Variants in UBE2E2 observed in about 807,000 individuals in gnomAD.
The protein encoded by UBE2E2 is ubiquitin conjugating enzyme E2 E2, also known as ubiquitin-conjugating enzyme E2 E2.
UBE2E2 carries 6 observed loss-of-function variants against 24.7 expected under a neutral mutation model. The ratio of observed to expected loss-of-function variants is 0.24; its 90% confidence interval spans 0.13 to 0.48. The LOEUF (loss-of-function observed/expected upper bound fraction) is 0.48. UBE2E2 is among the 20% of genes least tolerant of loss of function. UBE2E2 has a pLI of 0.99. For synonymous variants in UBE2E2, 104 were observed against 83.6 expected, an observed-to-expected ratio of 1.24 and a Z score of -1.33; for missense variants, 169 against 245.0, an observed-to-expected ratio of 0.69 and a Z score of 2.07.
intron 3 of UBE2E2, among the ~76,000 whole-genome samples, chr3:23,302,073 T>G (rs1699111943): frequency 6.6e-6 from 1 of 152,196 alleles, no homozygotes; most frequent in Admixed American, 6.5e-5. Flanking sequence ...ATAGCTCGTA[T>G]CTTTGTAATT....
intron 3 of UBE2E2, among the ~76,000 whole-genome samples, chr3:23,343,246 G>A (rs1194393535): frequency 6.6e-6 from 1 of 151,768 alleles, no homozygotes; most frequent in Admixed American, 6.6e-5. Context: ...AAAAAAAAAA[G>A]CAAGACGCAA....
chr3:23,205,037 A>G (rs1696110186), intron 1 of UBE2E2, among the ~76,000 whole-genome samples: 1 of 152,176 alleles, frequency 6.6e-6, no homozygotes, highest in Non-Finnish European at 1.5e-5. Context: ...TGTGAGTTTC[A>G]TTCACTGTAT....
intron 4 of UBE2E2, among the ~76,000 whole-genome samples, chr3:23,512,805 C>T (rs908728635): frequency 1.3e-4 from 20 of 152,126 alleles, no homozygotes; most frequent in African/African-American, 4.6e-4. Context: ...ATTAGCCAGG[C>T]GTGGTGGCGC....
At chr3:23,357,467 T>A (rs979978677) in intron 3 of UBE2E2, among the ~76,000 whole-genome samples, 2 of 152,138 alleles carry the variant, frequency 1.3e-5, no homozygotes, top group African/African-American at 2.4e-5. Context: ...ATAGAAAATA[T>A]TTGATTCTTT....
intron 3 of UBE2E2, among the ~76,000 whole-genome samples, chr3:23,384,606 G>A (rs1480768804): frequency 1.4e-4 from 22 of 152,130 alleles, no homozygotes; most frequent in Admixed American, 6.5e-4. Context: ...GCAGTGGTGC[G>A]ATCTTGGCTC....
chr3:23,457,465 G>A (rs1033018931), intron 3 of UBE2E2, among the ~76,000 whole-genome samples: 1 of 152,174 alleles, frequency 6.6e-6, no homozygotes, highest in African/African-American at 2.4e-5. Flanking sequence ...AGTGATCTTA[G>A]CTAGATATTC....
In UBE2E2 at chr3:23,538,639, CATA is replaced by C. The variant is rs1695319759; in HGVS notation, c.508+5941_508+5943del. On this transcript the variant is annotated intron_variant, in intron 5 of 5. Coordinates refer to ENST00000396703, the MANE Select transcript of UBE2E2 (RefSeq NM_152653.4). ...AGATGCATTTGAAAATAATGCTATT[CATA>C]ATGTTGAGGTTCTAGAAAAATTGAA... is the stretch of plus-strand genomic sequence containing the variant. Among the ~76,000 whole-genome samples, 6 of 152,014 alleles carry C rather than the reference CATA, an allele frequency of 3.9e-5. 1 individual carries two copies. In the South Asian group the frequency reaches 1.3e-3, roughly 32 times the overall value.
chr3:23,281,233 T>C (rs1698484951), intron 3 of UBE2E2, among the ~76,000 whole-genome samples: 1 of 152,198 alleles, frequency 6.6e-6, no homozygotes, highest in Admixed American at 6.6e-5. Flanking sequence ...TTTTTAAAGA[T>C]TTCATGTTTG....
chr3:23,241,178 A>G (rs1366051473), intron 3 of UBE2E2, among the ~76,000 whole-genome samples: 1 of 152,002 alleles, frequency 6.6e-6, no homozygotes, highest in Admixed American at 6.6e-5. Flanking sequence ...CTCTCACTCT[A>G]CGTTCATTCT....
chr3:23,473,854 G>C (rs1251603243), intron 3 of UBE2E2, among the ~76,000 whole-genome samples: 1 of 152,078 alleles, frequency 6.6e-6, no homozygotes, highest in East Asian at 1.9e-4. Context: ...AAATTGTGCA[G>C]CTATAAACAT....
intron 3 of UBE2E2, among the ~76,000 whole-genome samples, chr3:23,393,255 T>C (rs1301881514): frequency 6.6e-6 from 1 of 152,000 alleles, no homozygotes; most frequent in Non-Finnish European, 1.5e-5. Context: ...GGATAAGAAG[T>C]ATGAGGGAGA....
intron 3 of UBE2E2, among the ~76,000 whole-genome samples, chr3:23,359,661 AATG>A (rs1261271967): frequency 1.3e-5 from 2 of 152,078 alleles, no homozygotes; most frequent in African/African-American, 2.4e-5. Flanking sequence ...GGAAATTTCT[AATG>A]ATATGTCCTT....
At chr3:23,446,395 C>G (rs1053850421) in intron 3 of UBE2E2, among the ~76,000 whole-genome samples, 1 of 152,120 alleles carries the variant, frequency 6.6e-6, no homozygotes, top group African/African-American at 2.4e-5. Flanking sequence ...AGGGTACTTT[C>G]CATTTTGTGC....
intron 5 of UBE2E2, among the ~76,000 whole-genome samples, chr3:23,582,190 T>C (rs1359832927): frequency 6.6e-6 from 1 of 152,220 alleles, no homozygotes; most frequent in Admixed American, 6.5e-5. Flanking sequence ...CTTAAGATGA[T>C]GGCCTCCAGC....
At chr3:23,325,933 A>G (rs529884728) in intron 3 of UBE2E2, among the ~76,000 whole-genome samples, 2 of 152,324 alleles carry the variant, frequency 1.3e-5, no homozygotes, top group Middle Eastern at 3.4e-3. Flanking sequence ...GAGGGGAAAG[A>G]ACAAATATTT....
intron 3 of UBE2E2, among the ~76,000 whole-genome samples, chr3:23,272,943 C>A (rs1196198491): frequency 6.6e-6 from 1 of 152,082 alleles, no homozygotes; most frequent in Admixed American, 6.5e-5. Flanking sequence ...TCAGACAAGT[C>A]TTATGGCAGG....
At chr3:23,573,721 G>A (rs1009198554) in intron 5 of UBE2E2, among the ~76,000 whole-genome samples, 11 of 152,178 alleles carry the variant, frequency 7.2e-5, no homozygotes, top group African/African-American at 2.2e-4. Flanking sequence ...CAGCTGCTAG[G>A]TGGTTCCTCC....
At chr3:23,507,566 A>T (rs1694486041) in intron 4 of UBE2E2, among the ~76,000 whole-genome samples, 1 of 152,196 alleles carries the variant, frequency 6.6e-6, no homozygotes, top group African/African-American at 2.4e-5. Context: ...CAGAAAACTG[A>T]GCTCCATGGA....
intron 5 of UBE2E2, among the ~76,000 whole-genome samples, chr3:23,565,311 C>T (rs1049204060): frequency 3.3e-5 from 5 of 151,972 alleles, no homozygotes; most frequent in African/African-American, 9.7e-5. Flanking sequence ...AGATGCAAGC[C>T]GGATTTCCAC....
Sources: allele counts gnomAD v4.1 joint callset (sites outside exome capture counted in the v4.1 genomes callset), GRCh38; gene constraint gnomAD v4.1.1; transcripts MANE v1.5; gene names NCBI Gene and HGNC (gene_info 2026-07-23, HGNC 2026-07-21).